Variants in APBA1 observed in about 807,000 individuals in gnomAD.
APBA1 encodes the protein amyloid beta precursor protein binding family A member 1.
APBA1 carries 55 observed loss-of-function variants against 86.6 expected under a neutral mutation model. That is an observed-to-expected ratio of 0.64 (90% CI 0.51 to 0.80). The LOEUF (loss-of-function observed/expected upper bound fraction) is 0.80. APBA1 is among the 30% of genes least tolerant of loss of function. APBA1 has a pLI of 0.00. For synonymous variants in APBA1, 511 were observed against 493.9 expected, an observed-to-expected ratio of 1.03 and a Z score of -0.46; for missense variants, 1,090 against 1,183.0, an observed-to-expected ratio of 0.92 and a Z score of 1.15.
rs1174147494 is a variant in APBA1, at chr9:69,576,912, TTTAA to T, written c.-69-59637_-69-59634del. Among the ~76,000 whole-genome samples, 6 of 152,294 alleles carry T rather than the reference TTTAA, an allele frequency of 3.9e-5. No individual in the cohort carries two copies. In the South Asian group the frequency reaches 8.3e-4, roughly 21 times the overall value. On this transcript the variant is annotated intron_variant, in intron 1 of 12. Transcript: ENST00000265381. ...ATTTACTATAAAATATAAAATATTG[TTTAA>T]TTATTAAAAATAATTTTCAAATTTT... is the stretch of plus-strand genomic sequence containing the variant.
chr9:69,536,974 A>G lies in APBA1; in HGVS notation c.-69-19695T>C, dbSNP rs569733386. Among the ~76,000 whole-genome samples, 9 of 150,688 alleles carry G rather than the reference A, an allele frequency of 6.0e-5. No individual in the cohort carries two copies. In the South Asian group the frequency reaches 1.7e-3, roughly 28 times the overall value. ...GTAGCCAATCTGCACGCCTCTCCTG[A>G]ATCTAAAAGAAAAAAAGGCAAAAAA... On this transcript the variant is annotated intron_variant, in intron 1 of 12. Coordinates refer to ENST00000265381, the MANE Select transcript of APBA1 (RefSeq NM_001163.4).
intron 1 of APBA1, among the ~76,000 whole-genome samples, chr9:69,602,498 G>C (rs998136038): frequency 5.3e-5 from 8 of 152,100 alleles, no homozygotes; most frequent in Admixed American, 1.3e-4. Flanking sequence ...ATGAACCTGG[G>C]AGGTGGAGCG....
chr9:69,595,421 A>G, intron 1 of APBA1, among the ~76,000 whole-genome samples: 1 of 152,118 alleles, frequency 6.6e-6, no homozygotes, highest in East Asian at 1.9e-4. Flanking sequence ...AATGGCACAC[A>G]CCTCTGAGAT....
chr9:69,469,108 G>A (rs1039186971), intron 4 of APBA1, among the ~76,000 whole-genome samples: 5 of 152,014 alleles, frequency 3.3e-5, no homozygotes, highest in African/African-American at 7.2e-5. Context: ...CAATTTGCCC[G>A]CCTCAGCCTC....
At position 69,517,051 on chromosome 9, in the gene APBA1, C is replaced by G; in HGVS notation, c.160G>C (p.Gly54Arg). The G allele has an allele frequency of 1.9e-6, 3 of 1,582,018 alleles. No individual in the cohort carries two copies. Among genetic ancestry groups the G allele is most frequent in the South Asian group, 2.3e-5 (2 of 88,008 alleles). The change falls in exon 2 of 13, where the codon GGG becomes CGG. Residue 54 changes from glycine to arginine, a missense_variant. Coordinates refer to ENST00000265381, the MANE Select transcript of APBA1 (RefSeq NM_001163.4). ...QQHYVGRHQRGRALEDLRAQL... is the reference protein window; with the variant it reads ...QQHYVGRHQRRRALEDLRAQL... ...GCGCGGAGGTCCTCGAGGGCTCGCC[C>G]GCGCTGGTGGCGGCCCACATAGTGC...
intron 2 of APBA1, among the ~76,000 whole-genome samples, chr9:69,485,916 T>A (rs951721510): frequency 2.0e-5 from 3 of 152,046 alleles, no homozygotes; most frequent in African/African-American, 7.2e-5. Flanking sequence ...GTAAAGGATA[T>A]AAAAGTATCC....
intron 1 of APBA1, among the ~76,000 whole-genome samples, chr9:69,632,310 T>C (rs1336169038): frequency 6.6e-6 from 1 of 152,084 alleles, no homozygotes; most frequent in African/African-American, 2.4e-5. Flanking sequence ...AGGAAGCAAA[T>C]ATTAATCATT....
At chr9:69,598,297 G>A (rs1353397809) in intron 1 of APBA1, among the ~76,000 whole-genome samples, 16 of 152,168 alleles carry the variant, frequency 1.1e-4, no homozygotes, top group African/African-American at 3.1e-4. Flanking sequence ...GTGGGGGCAC[G>A]GGGGAGGGAT....
chr9:69,631,468 C>T (rs1355115132), intron 1 of APBA1, among the ~76,000 whole-genome samples: 1 of 152,196 alleles, frequency 6.6e-6, no homozygotes, highest in Non-Finnish European at 1.5e-5. Flanking sequence ...GGACTGTAAA[C>T]TAGTTCAACC....
chr9:69,531,886 A>G (rs1836439217), intron 1 of APBA1, among the ~76,000 whole-genome samples: 1 of 152,198 alleles, frequency 6.6e-6, no homozygotes, highest in South Asian at 2.1e-4. Flanking sequence ...TCTCAGTTCC[A>G]GCACTCACTG....
chr9:69,454,693 G>T (rs1332522131), intron 8 of APBA1, among the ~76,000 whole-genome samples: 2 of 152,096 alleles, frequency 1.3e-5, no homozygotes, highest in Middle Eastern at 3.2e-3. Flanking sequence ...ATGGATCCAA[G>T]GGTACCCCAA....
At chr9:69,607,201 ACT>A (rs1000207743) in intron 1 of APBA1, among the ~76,000 whole-genome samples, 8 of 152,052 alleles carry the variant, frequency 5.3e-5, no homozygotes, top group African/African-American at 1.9e-4. Context: ...GGTTTAATTG[ACT>A]CTCAGCTCAC....
intron 1 of APBA1, among the ~76,000 whole-genome samples, chr9:69,654,351 A>G (rs4744576): frequency 0.7 from 106,466 of 151,872 alleles, 38,327 homozygotes; most frequent in East Asian, 0.97. Flanking sequence ...TGTAATCCCG[A>G]CACTTTGGGA....
At chr9:69,518,734 A>G (rs183558833) in intron 1 of APBA1, among the ~76,000 whole-genome samples, 3 of 152,148 alleles carry the variant, frequency 2.0e-5, no homozygotes, top group Admixed American at 2.0e-4. Flanking sequence ...TGGGAAGTGA[A>G]CTCTTAAATA....
At chr9:69,517,798 T>C (rs73447325) in intron 1 of APBA1, among the ~76,000 whole-genome samples, 3,239 of 152,348 alleles carry the variant, frequency 0.021, 111 homozygotes, top group African/African-American at 0.073. Context: ...TTACTGACTT[T>C]GTGACCTCAG....
At chr9:69,625,672 T>G (rs1564095508) in intron 1 of APBA1, among the ~76,000 whole-genome samples, 1 of 152,212 alleles carries the variant, frequency 6.6e-6, no homozygotes, top group Non-Finnish European at 1.5e-5. Flanking sequence ...GCTAATTTAG[T>G]TAAAATATAT....
chr9:69,491,138 A>C (rs1447145288), intron 2 of APBA1, among the ~76,000 whole-genome samples: 1 of 152,148 alleles, frequency 6.6e-6, no homozygotes, highest in African/African-American at 2.4e-5. Flanking sequence ...TCATGCTGCT[A>C]TAAAGACACA....
chr9:69,659,850 GA>G (rs1183110880), intron 1 of APBA1, among the ~76,000 whole-genome samples: 1 of 152,108 alleles, frequency 6.6e-6, no homozygotes, highest in Non-Finnish European at 1.5e-5. Context: ...CCAGGTTATG[GA>G]AAATTAATAT....
chr9:69,551,402 A>T (rs924235697), intron 1 of APBA1, among the ~76,000 whole-genome samples: 1 of 152,008 alleles, frequency 6.6e-6, no homozygotes. Flanking sequence ...AGATACAAAA[A>T]ATTAGCTGGG....
Sources: allele counts gnomAD v4.1 joint callset (sites outside exome capture counted in the v4.1 genomes callset), GRCh38; gene constraint gnomAD v4.1.1; transcripts MANE v1.5; gene names NCBI Gene and HGNC (gene_info 2026-07-23, HGNC 2026-07-21).